DAPK2: variants seen among roughly 807,000 people sequenced by gnomAD.
DAPK2 encodes the protein death associated protein kinase 2, also known as death-associated protein kinase 2.
Under a neutral mutation model 44.1 loss-of-function variants are expected in DAPK2, and 35 were observed. The ratio of observed to expected loss-of-function variants is 0.79; its 90% confidence interval spans 0.61 to 1.05. DAPK2 has a LOEUF of 1.05. Among genes scored for constraint, DAPK2 ranks in the 50% least tolerant of loss-of-function variants. DAPK2 has a pLI of 0.00. For missense variants in DAPK2, 453 were observed against 483.2 expected, an observed-to-expected ratio of 0.94 and a Z score of 0.59; for synonymous variants, 174 against 182.6, an observed-to-expected ratio of 0.95 and a Z score of 0.38.
At chr15:63,959,706 A>G (rs575008818) in intron 3 of DAPK2, among the ~76,000 whole-genome samples, 2 of 152,280 alleles carry the variant, frequency 1.3e-5, no homozygotes, top group South Asian at 2.1e-4. Flanking sequence ...GGATGAAGCC[A>G]ACTTGATTGT....
upstream of DAPK2, among the ~76,000 whole-genome samples, chr15:64,040,885 G>T (rs1331785503): frequency 3.5e-5 from 4 of 112,708 alleles, no homozygotes; most frequent in Non-Finnish European, 6.7e-5. Context: ...CTGCACTCCA[G>T]CCTGGGCAAC....
In DAPK2 at chr15:63,982,435, G is replaced by A. The variant is rs373344696; in HGVS notation, c.314+1098C>T. Among the ~76,000 whole-genome samples, 16 of 152,140 alleles carry A rather than the reference G, an allele frequency of 1.1e-4. No individual in the cohort carries two copies. In the East Asian group the frequency reaches 2.3e-3, roughly 22 times the overall value. ...CAAACTCCGACCTTGTGATCTGCCC[G>A]CCTTGGCCTCCCAAAGTGCTAGGAT... On this transcript the variant is annotated intron_variant, in intron 2 of 10. Coordinates refer to ENST00000261891, the Ensembl canonical transcript of DAPK2.
intron 1 of DAPK2, among the ~76,000 whole-genome samples, chr15:64,028,465 T>C (rs537989096): frequency 6.6e-6 from 1 of 152,172 alleles, no homozygotes; most frequent in Non-Finnish European, 1.5e-5. Flanking sequence ...AACCACAAGA[T>C]GCAACACATG....
At chr15:64,002,828 C>A (rs1428212906) in intron 1 of DAPK2, among the ~76,000 whole-genome samples, 1 of 151,974 alleles carries the variant, frequency 6.6e-6, no homozygotes. Flanking sequence ...TCCTTAGAGT[C>A]TTGGGTCTTT....
In DAPK2 at chr15:63,925,694, A is replaced by G. The variant is rs954384773; in HGVS notation, c.812+247T>C. ...ACTTGTAGCGCACACACACACACAC[A>G]CACACACACACACACACACACACAC... On this transcript the variant is annotated intron_variant, in intron 7 of 10. Coordinates refer to ENST00000261891, the Ensembl canonical transcript of DAPK2. 1.6e-3 allele frequency among the ~76,000 whole-genome samples: 244 copies of G among 151,826 alleles called. 2 individuals carry two copies. The highest frequency in any genetic ancestry group is 2.7e-3 in the South Asian group (13 of 4,796).
intron 10 of DAPK2, among the ~76,000 whole-genome samples, chr15:63,910,381 C>A (rs751906815): frequency 6.6e-6 from 1 of 152,228 alleles, no homozygotes; most frequent in South Asian, 2.1e-4. Flanking sequence ...ACCTCCCAGT[C>A]GCTCCCTGAG....
chr15:64,011,268 G>C (rs907891394), intron 1 of DAPK2, among the ~76,000 whole-genome samples: 3 of 152,142 alleles, frequency 2.0e-5, no homozygotes, highest in African/African-American at 7.2e-5. Context: ...AGAGAGTAAA[G>C]ATGATCTCAA....
chr15:64,031,848 T>C (rs2080025514), intron 1 of DAPK2, among the ~76,000 whole-genome samples: 2 of 152,232 alleles, frequency 1.3e-5, no homozygotes, highest in South Asian at 4.1e-4. Context: ...GTTATGAGAA[T>C]TAAACTCAAT....
chr15:63,964,989 G>A (rs1334195125), intron 3 of DAPK2, among the ~76,000 whole-genome samples: 1 of 152,110 alleles, frequency 6.6e-6, no homozygotes, highest in East Asian at 1.9e-4. Context: ...TGATTTCCTG[G>A]ATGGTTTTGA....
At chr15:63,925,737 A>G (rs1320178962) in intron 7 of DAPK2, among the ~76,000 whole-genome samples, 1 of 151,578 alleles carries the variant, frequency 6.6e-6, no homozygotes, top group Non-Finnish European at 1.5e-5. Flanking sequence ...TTACATTTCA[A>G]CAGGAGAAGA....
At chr15:63,949,980 T>C (rs780296494) in intron 3 of DAPK2, among the ~76,000 whole-genome samples, 14 of 152,232 alleles carry the variant, frequency 9.2e-5, no homozygotes, top group Non-Finnish European at 1.8e-4. Flanking sequence ...GAAAAAGACT[T>C]CCATGCTGTG....
chr15:63,994,586 C>CTTT (rs11346004), intron 1 of DAPK2, among the ~76,000 whole-genome samples: 1 of 93,300 alleles, frequency 1.1e-5, no homozygotes, highest in Non-Finnish European at 2.2e-5. Flanking sequence ...ATCTTTTTTA[C>CTTT]TTTTTTTTTT....
chr15:63,948,545 A>G (rs1567226016), intron 3 of DAPK2, among the ~76,000 whole-genome samples: 1 of 152,108 alleles, frequency 6.6e-6, no homozygotes, highest in South Asian at 2.1e-4. Flanking sequence ...TCCGCCCCCA[A>G]GATCCAGTCA....
At chr15:64,016,092 A>C (rs2079518564) in intron 1 of DAPK2, among the ~76,000 whole-genome samples, 1 of 152,232 alleles carries the variant, frequency 6.6e-6, no homozygotes, top group Non-Finnish European at 1.5e-5. Flanking sequence ...CACGCAGCGC[A>C]GGGAGGGCTG....
At position 63,983,535 on chromosome 15, in the gene DAPK2, C is replaced by T. The variant is rs1244868064; in HGVS notation, c.312G>A (p.Glu104=). 2.5e-6 allele frequency: 4 copies of T among 1,613,988 alleles called. No individual in the cohort carries two copies. The Admixed American group carries it at 6.7e-5, about 27-fold the overall frequency. ...TGGGTCCTGGGGACCCCACTCACAG[C>T]TCAAGGATGAGCACCACGTCGGTGC... The change falls in exon 2 of 11, where the codon GAG becomes GAA. Residue 104 remains glutamate, a splice_region_variant and synonymous_variant. Coordinates refer to ENST00000261891, the Ensembl canonical transcript of DAPK2.
rs755252272 is a variant in DAPK2 at position 63,925,941 on chromosome 15, C to T, written c.812G>A (p.Arg271Gln). 43 of 1,613,966 alleles carry T rather than the reference C, an allele frequency of 2.7e-5. No individual in the cohort carries two copies. The highest frequency in any genetic ancestry group is 5.0e-5 in the Admixed American group (3 of 60,000). The change falls in exon 7 of 11, where the codon CGG becomes CAG. Residue 271 changes from arginine (R) to glutamine (Q), a missense_variant and splice_region_variant. Transcript: ENST00000261891. ...ACCAGTGGCTTCTCTGTCCTCTTACCGGGTCTCTTTAACCAGAAGCTTCCG... is the reference window on the plus strand; with the variant it reads ...ACCAGTGGCTTCTCTGTCCTCTTACTGGGTCTCTTTAACCAGAAGCTTCCG...
At position 64,046,268 on chromosome 15, in the gene DAPK2, C is replaced by A; in HGVS notation, c.-7+30G>T. 1 of 961,576 alleles carries A rather than the reference C, an allele frequency of 1.0e-6. No homozygotes were observed. Among genetic ancestry groups the A allele is most frequent in the Non-Finnish European group, 1.2e-6 (1 of 809,438 alleles). The allele number at this position is 961,576 out of a possible 1,614,324, so 59.6% of individuals were successfully genotyped here. ...CGTCAGGCCGCGCGCCCCGTCCCGCCCATCGAGCCCGCAGACGGGTGCTAC... is the reference window on the plus strand; with the variant it reads ...CGTCAGGCCGCGCGCCCCGTCCCGCACATCGAGCCCGCAGACGGGTGCTAC... On this transcript the variant is annotated intron_variant, in intron 1 of 11. Coordinates refer to the DAPK2 transcript ENST00000457488. The surrounding 1 kb of genome is among the most constrained non-coding windows in gnomAD (Gnocchi z 5.3).
chr15:63,942,588 C>G (rs1047724225), intron 3 of DAPK2, among the ~76,000 whole-genome samples: 3 of 151,664 alleles, frequency 2.0e-5, no homozygotes, highest in African/African-American at 7.3e-5. Flanking sequence ...AATAAAAAAA[C>G]AAACAAAAAA....
intron 7 of DAPK2, among the ~76,000 whole-genome samples, chr15:63,925,646 G>C (rs11853632): frequency 0.44 from 66,035 of 150,018 alleles, 16,854 homozygotes; most frequent in East Asian, 0.94. Flanking sequence ...ACAAGGTAAT[G>C]AGCCCTAAAG....
Sources: gnomAD v4.1 joint callset for allele counts (sites outside exome capture counted in the v4.1 genomes callset) on GRCh38, gnomAD v4.1.1 for gene constraint, Gnocchi (gnomAD v3.1) non-coding constraint, MANE v1.5 for transcripts, NCBI Gene and HGNC (gene_info 2026-07-23, HGNC 2026-07-21) for gene names.